ARID3A: variants seen among roughly 807,000 people sequenced by gnomAD.
ARID3A encodes the protein AT-rich interactive domain-containing protein 3A.
Under a neutral mutation model 52.7 loss-of-function variants are expected in ARID3A, and 11 were observed. That is an observed-to-expected ratio of 0.21 (90% CI 0.13 to 0.35). The LOEUF (loss-of-function observed/expected upper bound fraction) is 0.35. ARID3A is among the 10% of genes least tolerant of loss of function. The probability of loss-of-function intolerance (pLI) is 1.00; values close to 1 mark genes in which losing one functional copy is unlikely to be tolerated. For synonymous variants in ARID3A, 404 were observed against 359.4 expected (o/e 1.12, Z -1.40); for missense variants, 721 against 838.5 (o/e 0.86, Z 1.73).
At chr19:953,084 G>T (rs942515947) in intron 3 of ARID3A, among the ~76,000 whole-genome samples, 5 of 152,096 alleles carry the variant, frequency 3.3e-5, no homozygotes, top group Non-Finnish European at 7.4e-5. Context: ...ACCTCCCAGA[G>T]CCGGTGGGCT....
intron 2 of ARID3A, among the ~76,000 whole-genome samples, chr19:930,712 T>A: frequency 6.6e-6 from 1 of 150,654 alleles, no homozygotes. Flanking sequence ...GGTTTCACCA[T>A]GTTAGCCAAG....
At chr19:940,799 C>T (rs947873916) in intron 3 of ARID3A, among the ~76,000 whole-genome samples, 9 of 152,166 alleles carry the variant, frequency 5.9e-5, no homozygotes, top group African/African-American at 1.7e-4. Flanking sequence ...GCACGTGAGC[C>T]GCCGGGAGGG....
rs1159071468 is a variant in ARID3A at position 973,798 on chromosome 19, C to T, written c.*1733C>T. Reference sequence around the variant, plus strand: ...CACCCTGTGGGTCAGTACCCCTCCCCCTGGCTTGGAGAAAGTGGGGTCACC... The same window carrying T: ...CACCCTGTGGGTCAGTACCCCTCCCTCTGGCTTGGAGAAAGTGGGGTCACC... On this transcript the variant is annotated 3_prime_UTR_variant, in exon 9 of 9. Coordinates refer to ENST00000263620, the MANE Select transcript of ARID3A (RefSeq NM_005224.3). 4.4e-6 allele frequency: 1 copy of T among 229,534 alleles called. No individual in the cohort carries two copies. The highest frequency in any genetic ancestry group is 1.3e-3 in the Middle Eastern group (1 of 788). 14.2% of individuals were successfully genotyped at this position (229,534 alleles called of 1,614,324 possible).
At chr19:931,910 G>A (rs1173426109) in intron 2 of ARID3A, among the ~76,000 whole-genome samples, 1 of 152,148 alleles carries the variant, frequency 6.6e-6, no homozygotes, top group Non-Finnish European at 1.5e-5. Context: ...AGATGGCGGT[G>A]GGAGAATTCT....
rs1371133643 is a variant in ARID3A at position 974,102 on chromosome 19, C to T, written c.*2037C>T. 1 of 226,700 alleles carries T rather than the reference C, an allele frequency of 4.4e-6. No individual in the cohort carries two copies. Among genetic ancestry groups the T allele is most frequent in the African/African-American group, 2.2e-5 (1 of 45,024 alleles). 14.0% of individuals were successfully genotyped at this position (226,700 alleles called of 1,614,324 possible). A position where few individuals can be genotyped will look rare whatever the true frequency, so the allele number is the denominator to read the frequency against. Reference sequence around the variant, plus strand: ...AGGAAGGGGACTCCCCAGCTCCCCCCACTCCCAACCACCTCCCCATTGCCT... The same window carrying T: ...AGGAAGGGGACTCCCCAGCTCCCCCTACTCCCAACCACCTCCCCATTGCCT... On this transcript the variant is annotated 3_prime_UTR_variant, in exon 9 of 9. Coordinates refer to ENST00000263620, the MANE Select transcript of ARID3A (RefSeq NM_005224.3).
chr19:961,022 C>T (rs1051776506), intron 4 of ARID3A, among the ~76,000 whole-genome samples: 1 of 152,148 alleles, frequency 6.6e-6, no homozygotes, highest in African/African-American at 2.4e-5. Context: ...TCCAAGTCCT[C>T]GTCGGCCGGA....
At chr19:930,048 G>A in intron 2 of ARID3A, 152 bp downstream of exon 2, 1 of 1,188,118 alleles carries the variant, frequency 8.4e-7, no homozygotes, top group Non-Finnish European at 1.2e-6. Flanking sequence ...AGGATCACGT[G>A]GGCCCAGGGG....
intron 3 of ARID3A, among the ~76,000 whole-genome samples, chr19:955,811 C>T (rs1325517427): frequency 6.6e-6 from 1 of 152,188 alleles, no homozygotes; most frequent in Non-Finnish European, 1.5e-5. Flanking sequence ...CTGGCCTCTA[C>T]GTGCGGTTCT....
intron 3 of ARID3A, among the ~76,000 whole-genome samples, chr19:943,426 G>A (rs993270844): frequency 2.6e-5 from 4 of 151,922 alleles, no homozygotes; most frequent in Admixed American, 6.6e-5. Flanking sequence ...AAATTAGCCG[G>A]GCGTGGTGGC....
intron 8 of ARID3A, among the ~76,000 whole-genome samples, chr19:969,792 ATTC>A (rs2038239011): frequency 6.7e-6 from 1 of 149,944 alleles, no homozygotes; most frequent in Admixed American, 6.7e-5. Context: ...GGTTCGAGCG[ATTC>A]TCCTGCCTCA....
intron 3 of ARID3A, among the ~76,000 whole-genome samples, chr19:946,997 A>C (rs10401297): frequency 0.023 from 3,275 of 143,386 alleles, 104 homozygotes; most frequent in African/African-American, 0.078. Flanking sequence ...GTTTTGTCAT[A>C]TTGCCCAGGC....
rs552779877 is a variant in ARID3A at position 971,949 on chromosome 19, GGCA to G, written c.1676_1678del (p.Ser559del). On this transcript the variant is annotated inframe_deletion, in exon 9 of 9. Coordinates refer to ENST00000263620, the MANE Select transcript of ARID3A (RefSeq NM_005224.3). ...CAACAAAGGAGGCGGCGGCGGCGGC[GGCA>G]GCAGCAGCAACGCAGGCGGCCGGGG... 3 of 1,580,756 alleles carry G rather than the reference GGCA, an allele frequency of 1.9e-6. No homozygotes were observed. Among genetic ancestry groups the G allele is most frequent in the South Asian group, 1.1e-5 (1 of 87,782 alleles).
chr19:975,059 G>A lies in ARID3A; in HGVS notation c.*2994G>A, dbSNP rs969892850. The A allele has an allele frequency of 3.9e-5, 9 of 232,062 alleles. No homozygotes were observed. Among genetic ancestry groups the A allele is most frequent in the South Asian group, 3.6e-4 (2 of 5,522 alleles). The allele number at this position is 232,062 out of a possible 1,614,324, so 14.4% of individuals were successfully genotyped here. A position where few individuals can be genotyped will look rare whatever the true frequency, so the allele number is the denominator to read the frequency against. On this transcript the variant is annotated 3_prime_UTR_variant, in exon 9 of 9. Transcript: ENST00000263620. The stretch of plus-strand genomic sequence containing the variant: ...CAGGTGGCCCCGTTCAACCCCAGCC[G>A]TGCCCATCTCCTGCCACCGCCTGTC...
In ARID3A at chr19:941,855, AGT is replaced by A. The variant is rs2037562745; in HGVS notation, c.693+9120_693+9121del. Among the ~76,000 whole-genome samples, 1 of 151,080 alleles carries A rather than the reference AGT, an allele frequency of 6.6e-6. No homozygotes were observed. Among genetic ancestry groups the A allele is most frequent in the South Asian group, 2.1e-4 (1 of 4,794 alleles). ...GTGTGTGTGCACGTCGAGGCTGGAG[AGT>A]GTGTGTCCAAAAGCGTGCCTGCTTG... On this transcript the variant is annotated intron_variant, in intron 3 of 8. Transcript: ENST00000263620. The surrounding 1 kb of genome is among the most constrained non-coding windows in gnomAD (Gnocchi z 6.9).
intron 8 of ARID3A, among the ~76,000 whole-genome samples, chr19:969,866 T>A (rs998967183): frequency 4.0e-5 from 6 of 151,674 alleles, no homozygotes; most frequent in Non-Finnish European, 8.8e-5. Context: ...TTTTTTTTTG[T>A]ATTTTTAGTA....
rs895883222 is a variant in ARID3A, at chr19:941,024, G to A, written c.693+8282G>A. ...AGCCTTATCTGGCCCCTGCGCCACC[G>A]CCTGGCCGTCGGGTCACCGCCGCGG... On this transcript the variant is annotated intron_variant, in intron 3 of 8. Coordinates refer to ENST00000263620, the MANE Select transcript of ARID3A (RefSeq NM_005224.3). This position sits in a 1 kb window ranked among gnomAD's most constrained non-coding sequence, Gnocchi z 6.9. Among the ~76,000 whole-genome samples the A allele has an allele frequency of 2.6e-5, 4 of 152,072 alleles. No individual in the cohort carries two copies. The highest frequency in any genetic ancestry group is 7.2e-5 in the African/African-American group (3 of 41,440).
At chr19:955,415 G>A (rs901181446) in intron 3 of ARID3A, among the ~76,000 whole-genome samples, 12 of 152,206 alleles carry the variant, frequency 7.9e-5, no homozygotes, top group East Asian at 1.9e-4. Context: ...TTACTGCCAC[G>A]CATCAGTGCC....
chr19:975,728 A>T lies in ARID3A; in HGVS notation c.*3663A>T. The T allele has an allele frequency of 5.3e-6, 1 of 187,306 alleles. No individual in the cohort carries two copies. Among genetic ancestry groups the T allele is most frequent in the African/African-American group, 2.5e-5 (1 of 39,668 alleles). 11.6% of individuals were successfully genotyped at this position (187,306 alleles called of 1,614,324 possible). On this transcript the variant is annotated 3_prime_UTR_variant, in exon 9 of 9. Coordinates refer to ENST00000263620, the MANE Select transcript of ARID3A (RefSeq NM_005224.3). ...TTCAGTTTTCGCAGAACATTCAGGT[A>T]TTAAAAGGAAAAAAAAAAAAAAAGA...
chr19:947,615 G>C lies in ARID3A; in HGVS notation c.694-12477G>C, dbSNP rs868204540. Among the ~76,000 whole-genome samples, 3 of 152,240 alleles carry C rather than the reference G, an allele frequency of 2.0e-5. No homozygotes were observed. Among genetic ancestry groups the C allele is most frequent in the South Asian group, 2.1e-4 (1 of 4,838 alleles). ...CGATCGCACGAAGGGCCCGTCACGG[G>C]AGAATGAGGAGGGTCTGGCGTCAGC... On this transcript the variant is annotated intron_variant, in intron 3 of 8. Transcript: ENST00000263620. The surrounding 1 kb of genome is among the most constrained non-coding windows in gnomAD (Gnocchi z 6.3).
Sources: allele counts gnomAD v4.1 joint callset (sites outside exome capture counted in the v4.1 genomes callset), GRCh38; gene constraint gnomAD v4.1.1; non-coding constraint Gnocchi (gnomAD v3.1); transcripts MANE v1.5; gene names NCBI Gene and HGNC (gene_info 2026-07-23, HGNC 2026-07-21).